Variants in NXPE4 observed in about 807,000 individuals in gnomAD.
The protein encoded by NXPE4 is neurexophilin and PC-esterase domain family member 4, also known as NXPE family member 4.
A neutral mutation model predicts 33.3 loss-of-function variants in NXPE4; 42 were observed. The ratio of observed to expected loss-of-function variants is 1.26; its 90% CI spans 0.98 to 1.63. The LOEUF (loss-of-function observed/expected upper bound fraction) is 1.63, where lower values mean the gene tolerates loss of function less well. Ranked by LOEUF, NXPE4 falls within the 40% of genes most tolerant of loss-of-function variation. NXPE4 has a pLI of 0.00. For missense variants in NXPE4, 709 were observed against 647.6 expected (o/e 1.09, Z -1.03); for synonymous variants, 253 against 234.9 (o/e 1.08, Z -0.71).
chr11:114,672,541 T>A, the NXPE4 span, among the ~76,000 whole-genome samples: 1 of 151,988 alleles, frequency 6.6e-6, no homozygotes, highest in Non-Finnish European at 1.5e-5. Context: ...GACTGGTTAA[T>A]GGGACAAGAT....
At chr11:114,628,457 G>A in the NXPE4 span, among the ~76,000 whole-genome samples, 21 of 152,224 alleles carry the variant, frequency 1.4e-4, no homozygotes, top group East Asian at 3.7e-3. Flanking sequence ...AAATAAAGAT[G>A]TTCTTTGAAA....
At chr11:114,652,362 A>G in the NXPE4 span, among the ~76,000 whole-genome samples, 1 of 152,196 alleles carries the variant, frequency 6.6e-6, no homozygotes, top group South Asian at 2.1e-4. Context: ...CCTGTGCCTA[A>G]GCTTGAAACT....
At chr11:114,572,419 T>C (rs1948911944) in intron 5 of NXPE4, among the ~76,000 whole-genome samples, 1 of 151,942 alleles carries the variant, frequency 6.6e-6, no homozygotes, top group Non-Finnish European at 1.5e-5. Context: ...ATTAAGCTAA[T>C]CAAGGAGGCA....
the NXPE4 span, among the ~76,000 whole-genome samples, chr11:114,639,055 G>T: frequency 6.6e-6 from 1 of 152,058 alleles, no homozygotes; most frequent in Admixed American, 6.6e-5. Flanking sequence ...GTTTGTCTGT[G>T]CCCTGCCCCC....
chr11:114,622,853 G>T, the NXPE4 span, among the ~76,000 whole-genome samples: 1 of 151,660 alleles, frequency 6.6e-6, no homozygotes, highest in Non-Finnish European at 1.5e-5. Context: ...ATTGCTTCAT[G>T]GGATACCACT....
chr11:114,605,771 T>C, the NXPE4 span, among the ~76,000 whole-genome samples: 2 of 151,980 alleles, frequency 1.3e-5, no homozygotes, highest in African/African-American at 4.8e-5. Context: ...GTAATCACTG[T>C]TAACCAGTGG....
chr11:114,630,901 C>T, the NXPE4 span, among the ~76,000 whole-genome samples: 1 of 151,502 alleles, frequency 6.6e-6, no homozygotes, highest in Non-Finnish European at 1.5e-5. Flanking sequence ...GACATTTATG[C>T]AGCCAAAAAA....
chr11:114,612,965 T>C, the NXPE4 span, among the ~76,000 whole-genome samples: 1 of 151,950 alleles, frequency 6.6e-6, no homozygotes, highest in Non-Finnish European at 1.5e-5. Context: ...GGATAATAAT[T>C]GTTGCCTTGC....
At chr11:114,608,778 C>T in the NXPE4 span, among the ~76,000 whole-genome samples, 3 of 151,578 alleles carry the variant, frequency 2.0e-5, no homozygotes, top group African/African-American at 7.3e-5. Context: ...CATGGATAAC[C>T]ACGGTTACCC....
At chr11:114,598,515 A>T (rs1383006069), upstream of NXPE4, among the ~76,000 whole-genome samples, 1 of 152,216 alleles carries the variant, frequency 6.6e-6, no homozygotes, top group Non-Finnish European at 1.5e-5. Flanking sequence ...CTGGACATAT[A>T]GGCTTTTCCA....
At chr11:114,634,940 G>A in the NXPE4 span, among the ~76,000 whole-genome samples, 1 of 151,930 alleles carries the variant, frequency 6.6e-6, no homozygotes, top group Admixed American at 6.6e-5. Flanking sequence ...TGAACTTGGT[G>A]ATGAGGGCCC....
chr11:114,611,595 G>A, the NXPE4 span, among the ~76,000 whole-genome samples: 1 of 151,722 alleles, frequency 6.6e-6, no homozygotes, highest in East Asian at 2.0e-4. Context: ...GTTGTGTCGT[G>A]GGTCACAATT....
chr11:114,631,779 T>C, the NXPE4 span, among the ~76,000 whole-genome samples: 6 of 151,828 alleles, frequency 4.0e-5, no homozygotes, highest in African/African-American at 1.5e-4. Flanking sequence ...TATTGCCTCA[T>C]GAGTAATCAC....
the NXPE4 span, among the ~76,000 whole-genome samples, chr11:114,637,159 C>T: frequency 3.3e-5 from 5 of 151,668 alleles, no homozygotes; most frequent in Non-Finnish European, 5.9e-5. Context: ...GTATTGGGTC[C>T]ATATATATTT....
intron 2 of NXPE4, among the ~76,000 whole-genome samples, chr11:114,586,711 C>T (rs1300973831): frequency 6.6e-6 from 1 of 152,164 alleles, no homozygotes; most frequent in African/African-American, 2.4e-5. Flanking sequence ...TGGACTAATT[C>T]CAGCCTCCAA....
At chr11:114,645,409 G>A in the NXPE4 span, among the ~76,000 whole-genome samples, 4 of 151,990 alleles carry the variant, frequency 2.6e-5, no homozygotes, top group African/African-American at 9.7e-5. Context: ...GTGAAAAGGC[G>A]AACTTTAAAA....
At chr11:114,637,865 A>T in the NXPE4 span, among the ~76,000 whole-genome samples, 4 of 152,154 alleles carry the variant, frequency 2.6e-5, no homozygotes, top group Non-Finnish European at 5.9e-5. Flanking sequence ...CTTTGAGGGT[A>T]ACCCGACCTT....
chr11:114,592,514 A>AAC lies in NXPE4; in HGVS notation c.96+2148_96+2149dup, dbSNP rs144805587. ...AAAACATTGATGCAAGAAATTGGAG[A>AAC]ACACACACACACACACTCACACACA... On this transcript the variant is annotated intron_variant, in intron 2 of 5. Coordinates refer to ENST00000375478, the MANE Select transcript of NXPE4 (RefSeq NM_001077639.2). Among the ~76,000 whole-genome samples, 1,498 of 151,082 alleles carry AAC rather than the reference A, an allele frequency of 9.9e-3. 23 individuals are homozygous for AAC. The highest frequency in any genetic ancestry group is 0.033 in the African/African-American group (1,383 of 41,328).
the NXPE4 span, among the ~76,000 whole-genome samples, chr11:114,616,647 C>T: frequency 6.6e-6 from 1 of 151,558 alleles, no homozygotes; most frequent in Non-Finnish European, 1.5e-5. Flanking sequence ...TAAATGTTGC[C>T]TATTGGGTAA....
Sources: allele counts gnomAD v4.1 joint callset (sites outside exome capture counted in the v4.1 genomes callset), GRCh38; gene constraint gnomAD v4.1.1; transcripts MANE v1.5; gene names NCBI Gene and HGNC (gene_info 2026-07-23, HGNC 2026-07-21).